The following PTPRD variants were observed in gnomAD, a reference collection of about 807,000 sequenced individuals.
PTPRD encodes receptor-type tyrosine-protein phosphatase delta.
Under a neutral mutation model 214.5 loss-of-function variants are expected in PTPRD, and 34 were observed. That is an observed-to-expected ratio of 0.16 (90% confidence interval 0.12 to 0.21). PTPRD has a LOEUF of 0.21. Among genes scored for constraint, PTPRD ranks in the 10% least tolerant of loss-of-function variants. The pLI, the probability that PTPRD is intolerant of heterozygous loss-of-function variation, is 1.00. For synonymous variants in PTPRD, 1,128 were observed against 845.7 expected, an observed-to-expected ratio of 1.33 and a Z score of -5.79; for missense variants, 2,545 against 2,398.7, an observed-to-expected ratio of 1.06 and a Z score of -1.27.
At chr9:9,699,966 A>C (rs900758595) in intron 7 of PTPRD, among the ~76,000 whole-genome samples, 1 of 152,160 alleles carries the variant, frequency 6.6e-6, no homozygotes, top group African/African-American at 2.4e-5. Context: ...AGAATTATTT[A>C]TGAATTCAAG....
At chr9:10,455,996 C>A (rs1208187851) in intron 2 of PTPRD, among the ~76,000 whole-genome samples, 1 of 151,692 alleles carries the variant, frequency 6.6e-6, no homozygotes, top group Non-Finnish European at 1.5e-5. Flanking sequence ...ATATAGCTGT[C>A]TTTGTTATAA....
chr9:8,965,374 T>C (rs1340249711), intron 11 of PTPRD, among the ~76,000 whole-genome samples: 1 of 144,010 alleles, frequency 6.9e-6, no homozygotes, highest in East Asian at 2.0e-4. Context: ...AGCAATACTC[T>C]GCTTCAGAAA....
rs1445027137 is a variant in PTPRD, at chr9:8,317,255, TGAA to T, written c.*616_*618del. The stretch of plus-strand genomic sequence containing the variant: ...AACCTACGATTTGGAAATAAAAAAA[TGAA>T]GAGTTATGTAACTTTTTTAAAATTC... On this transcript the variant is annotated 3_prime_UTR_variant, in exon 46 of 46. Transcript: ENST00000381196. The T allele has an allele frequency of 2.2e-5, 5 of 232,008 alleles. No homozygotes were observed. Among genetic ancestry groups the T allele is most frequent in the Non-Finnish European group, 4.3e-5 (5 of 117,118 alleles). 14.4% of individuals were successfully genotyped at this position (232,008 alleles called of 1,614,324 possible).
chr9:8,971,958 T>C (rs897236893), intron 11 of PTPRD, among the ~76,000 whole-genome samples: 9 of 151,840 alleles, frequency 5.9e-5, no homozygotes, highest in African/African-American at 1.9e-4. Flanking sequence ...AGCTATACTA[T>C]CTCATTGCAT....
rs2074883288 is a variant in PTPRD, at chr9:8,528,658, A to T, written c.474T>A (p.Thr158=). 2 of 1,613,664 alleles carry T rather than the reference A, an allele frequency of 1.2e-6. No homozygotes were observed. The highest frequency in any genetic ancestry group is 1.3e-5 in the African/African-American group (1 of 74,894). ...CCACAGGTAAGAAATCTTTAAACCA[A>T]GTGATTTCTGGATCCGGATTACCAC... ...AASGNPDPEI[T]WFKDFLPVDT... is the part of the protein sequence containing the mutation. Residue 158 remains threonine, a synonymous_variant, in exon 15 of 46, where the codon ACT becomes ACA. Transcript: ENST00000381196.
At chr9:8,945,710 T>A (rs1279307075) in intron 11 of PTPRD, among the ~76,000 whole-genome samples, 1 of 151,508 alleles carries the variant, frequency 6.6e-6, no homozygotes, top group African/African-American at 2.4e-5. Flanking sequence ...ATTCCACAAT[T>A]CCATCTACAC....
intron 3 of PTPRD, among the ~76,000 whole-genome samples, chr9:10,265,851 G>T (rs903163377): frequency 2.0e-5 from 3 of 152,126 alleles, no homozygotes; most frequent in African/African-American, 7.2e-5. Flanking sequence ...TTAAAATTCT[G>T]TCATTAGAAG....
intron 5 of PTPRD, among the ~76,000 whole-genome samples, chr9:9,925,711 C>T (rs992220433): frequency 1.3e-5 from 2 of 151,862 alleles, no homozygotes; most frequent in East Asian, 1.9e-4. Flanking sequence ...CTTCTAATGT[C>T]GTGTCTCAAA....
chr9:8,526,366 G>A (rs1405253011), intron 17 of PTPRD, among the ~76,000 whole-genome samples: 1 of 151,604 alleles, frequency 6.6e-6, no homozygotes, highest in Non-Finnish European at 1.5e-5. Context: ...CTAAAGACCT[G>A]GATATGCTTT....
chr9:10,160,434 T>G (rs1227542048), intron 3 of PTPRD, among the ~76,000 whole-genome samples: 1 of 151,874 alleles, frequency 6.6e-6, no homozygotes, highest in Non-Finnish European at 1.5e-5. Flanking sequence ...GAAGAATGAA[T>G]ACCAATTCTT....
At chr9:9,645,897 T>G (rs2096145671) in intron 7 of PTPRD, among the ~76,000 whole-genome samples, 1 of 152,178 alleles carries the variant, frequency 6.6e-6, no homozygotes, top group East Asian at 1.9e-4. Context: ...TGTTTTAAAT[T>G]TATTATTAAT....
chr9:9,740,375 G>T (rs4740987), intron 6 of PTPRD, among the ~76,000 whole-genome samples: 6,103 of 108,022 alleles, frequency 0.056, 727 homozygotes, highest in East Asian at 0.42. Context: ...TTTTTTTTTT[G>T]GAGATGGAGT....
At chr9:10,058,644 T>C (rs1456662394) in intron 3 of PTPRD, among the ~76,000 whole-genome samples, 1 of 152,104 alleles carries the variant, frequency 6.6e-6, no homozygotes, top group Non-Finnish European at 1.5e-5. Context: ...GCCAATTAGA[T>C]TCTCTCTTAT....
At chr9:8,923,833 T>C (rs748122075) in intron 11 of PTPRD, among the ~76,000 whole-genome samples, 1 of 152,174 alleles carries the variant, frequency 6.6e-6, no homozygotes, top group Non-Finnish European at 1.5e-5. Context: ...GTAATGGCTT[T>C]GAAACAATGC....
At chr9:9,120,589 T>G (rs185376264) in intron 10 of PTPRD, among the ~76,000 whole-genome samples, 1 of 152,236 alleles carries the variant, frequency 6.6e-6, no homozygotes, top group African/African-American at 2.4e-5. Flanking sequence ...GGTGGTATTC[T>G]ATAAGCTACC....
intron 8 of PTPRD, 80 bp downstream of exon 8, chr9:9,574,652 T>G (rs2154304186): frequency 6.6e-6 from 1 of 152,006 alleles, no homozygotes; most frequent in Admixed American, 6.6e-5. Context: ...TGAATTTCCT[T>G]TACTTAAAAA....
At chr9:9,752,272 T>C (rs756362788) in intron 6 of PTPRD, among the ~76,000 whole-genome samples, 2 of 152,088 alleles carry the variant, frequency 1.3e-5, no homozygotes, top group Non-Finnish European at 2.9e-5. Context: ...TTGCCAGTTA[T>C]GCTTTTCCAT....
intron 2 of PTPRD, among the ~76,000 whole-genome samples, chr9:10,540,972 C>A (rs964060477): frequency 6.6e-6 from 1 of 152,078 alleles, no homozygotes; most frequent in African/African-American, 2.4e-5. Context: ...CTGGCTTTAG[C>A]TCCTGCAATT....
intron 12 of PTPRD, among the ~76,000 whole-genome samples, chr9:8,706,225 G>C (rs982970943): frequency 5.3e-5 from 8 of 152,124 alleles, no homozygotes; most frequent in African/African-American, 1.7e-4. Flanking sequence ...ATCAAACCAA[G>C]CTTACTACGG....
Sources: gnomAD v4.1 joint callset for allele counts (sites outside exome capture counted in the v4.1 genomes callset) on GRCh38, gnomAD v4.1.1 for gene constraint, MANE v1.5 for transcripts, NCBI Gene and HGNC (gene_info 2026-07-23, HGNC 2026-07-21) for gene names.